The following DISP1 variants were observed in gnomAD, a reference collection of about 807,000 sequenced individuals.
The protein encoded by DISP1 is dispatched RND transporter family member 1.
DISP1 carries 30 observed loss-of-function variants against 37.3 expected under a neutral mutation model. That is an observed-to-expected ratio of 0.80 (90% CI 0.60 to 1.09). The LOEUF (loss-of-function observed/expected upper bound fraction) is 1.09. Among genes scored for constraint, DISP1 ranks in the 50% least tolerant of loss-of-function variants. DISP1 has a pLI of 0.00. For missense variants in DISP1, 1,598 were observed against 1,879.5 expected, an observed-to-expected ratio of 0.85 and a Z score of 2.77; for synonymous variants, 634 against 690.2, an observed-to-expected ratio of 0.92 and a Z score of 1.28.
chr1:222,894,967 A>T (rs529902920), intron 1 of DISP1, among the ~76,000 whole-genome samples: 1 of 152,348 alleles, frequency 6.6e-6, no homozygotes, highest in South Asian at 2.1e-4. Context: ...GATTGATTTG[A>T]CCCAAAGGCT....
intron 1 of DISP1, among the ~76,000 whole-genome samples, chr1:222,859,257 C>T (rs1410207928): frequency 1.3e-5 from 2 of 152,184 alleles, no homozygotes; most frequent in Admixed American, 1.3e-4. Context: ...CGCATGTTCT[C>T]ACTTATGAGT....
intron 3 of DISP1, among the ~76,000 whole-genome samples, chr1:222,953,747 C>G (rs936833266): frequency 6.6e-6 from 1 of 152,154 alleles, no homozygotes; most frequent in African/African-American, 2.4e-5. Context: ...AGTAAGTCAG[C>G]TTGGCAGTCA....
rs1678954371 is a variant in DISP1 at position 222,994,973 on chromosome 1, T to C, written c.978T>C (p.Asp326=). The C allele has an allele frequency of 6.2e-7, 1 of 1,611,540 alleles. No homozygotes were observed. The highest frequency in any genetic ancestry group is 1.1e-5 in the South Asian group (1 of 91,048). Reference sequence around the variant, plus strand: ...CAATTAAATCAATGTGCAATGTAGATAATTCCAGGGTATGTAAGATAAAAA... The same window carrying C: ...CAATTAAATCAATGTGCAATGTAGACAATTCCAGGGTATGTAAGATAAAAA... ...LPAIKSMCNV[D]NSRIRSHPQF... Residue 326 remains aspartate, a synonymous_variant, in exon 8 of 9, where the codon GAT becomes GAC. Coordinates refer to ENST00000675850, the MANE Select transcript of DISP1 (RefSeq NM_001377229.1).
chr1:222,819,097 A>C (rs370964372), intron 1 of DISP1, among the ~76,000 whole-genome samples: 3 of 152,276 alleles, frequency 2.0e-5, no homozygotes, highest in South Asian at 4.1e-4. Flanking sequence ...GTGTTGTCTC[A>C]TGATAGAGTT....
chr1:222,996,977 G>C (rs1019231620), intron 8 of DISP1, among the ~76,000 whole-genome samples: 6 of 151,510 alleles, frequency 4.0e-5, no homozygotes, highest in African/African-American at 1.5e-4. Context: ...GCAATAGTAC[G>C]CCATGGTGGC....
intron 1 of DISP1, among the ~76,000 whole-genome samples, chr1:222,843,562 A>AT (rs1354584484): frequency 7.1e-6 from 1 of 140,094 alleles, no homozygotes; most frequent in Non-Finnish European, 1.6e-5. Context: ...CTAATGAAGG[A>AT]TGGGGGGGGG....
At chr1:222,939,689 G>T (rs1027322941) in intron 2 of DISP1, among the ~76,000 whole-genome samples, 27 of 152,032 alleles carry the variant, frequency 1.8e-4, no homozygotes, top group Non-Finnish European at 3.8e-4. Flanking sequence ...AATTAGCTGG[G>T]TGTGGTGGCA....
chr1:222,943,232 A>G lies in DISP1; in HGVS notation c.409A>G (p.Thr137Ala), dbSNP rs747621587. The G allele has an allele frequency of 6.2e-7, 1 of 1,612,872 alleles. No homozygotes were observed. Residue 137 changes from threonine (T) to alanine (A), a missense_variant, in exon 3 of 9, where the codon ACT (threonine) becomes GCT (alanine). Thr to Ala is a moderately conservative substitution (Grantham distance 58). Transcript: ENST00000675850. Reference sequence around the variant, plus strand: ...TCCAAATCATTCACCTGTGTATCAGACTACGTGCTGTCTTCAGCCCTCTCC... The same window carrying G: ...TCCAAATCATTCACCTGTGTATCAGGCTACGTGCTGTCTTCAGCCCTCTCC... The part of the protein sequence containing the change: ...LCPNHSPVYQ[T>A]TCCLQPSPSF...
chr1:222,936,650 T>TA (rs1211742352), intron 2 of DISP1, among the ~76,000 whole-genome samples: 36 of 112,156 alleles, frequency 3.2e-4, no homozygotes, highest in South Asian at 1.3e-3. Context: ...GAGATATATA[T>TA]ATCTCTCATA....
At chr1:222,820,802 C>G (rs912735534) in intron 1 of DISP1, among the ~76,000 whole-genome samples, 2 of 152,108 alleles carry the variant, frequency 1.3e-5, no homozygotes, top group African/African-American at 2.4e-5. Context: ...TAGCATAATG[C>G]CTGCCACATA....
At chr1:222,972,445 T>C (rs977934544) in intron 3 of DISP1, among the ~76,000 whole-genome samples, 59 of 152,138 alleles carry the variant, frequency 3.9e-4, no homozygotes, top group Non-Finnish European at 5.9e-5. Context: ...TTTTATCCTA[T>C]CAGTTGTTAC....
At chr1:222,998,319 T>C (rs1335700824) in intron 8 of DISP1, among the ~76,000 whole-genome samples, 3 of 151,000 alleles carry the variant, frequency 2.0e-5, no homozygotes, top group African/African-American at 4.9e-5. Flanking sequence ...AACCAAGCAA[T>C]AGCAAGCAGA....
chr1:222,993,890 A>G (rs1678874499), intron 7 of DISP1, among the ~76,000 whole-genome samples: 1 of 152,180 alleles, frequency 6.6e-6, no homozygotes, highest in Non-Finnish European at 1.5e-5. Flanking sequence ...TTGCTCTCCA[A>G]AATCAGTCAA....
At chr1:222,877,197 A>G (rs1006085715) in intron 1 of DISP1, among the ~76,000 whole-genome samples, 2 of 152,210 alleles carry the variant, frequency 1.3e-5, no homozygotes, top group African/African-American at 4.8e-5. Context: ...AGCTTATCCA[A>G]AATGCCTTTG....
At chr1:222,865,232 T>C (rs193005262) in intron 1 of DISP1, among the ~76,000 whole-genome samples, 1 of 152,256 alleles carries the variant, frequency 6.6e-6, no homozygotes, top group East Asian at 1.9e-4. Flanking sequence ...TTATAACTTA[T>C]GGTATAGAAT....
intron 3 of DISP1, among the ~76,000 whole-genome samples, chr1:222,967,036 GATT>G (rs1368270807): frequency 6.6e-6 from 1 of 152,074 alleles, no homozygotes; most frequent in African/African-American, 2.4e-5. Flanking sequence ...TCTTACTAGA[GATT>G]ATTAATAAAC....
intron 3 of DISP1, among the ~76,000 whole-genome samples, chr1:222,965,870 TA>T (rs1211949808): frequency 2.6e-5 from 4 of 151,480 alleles, no homozygotes; most frequent in Non-Finnish European, 4.4e-5. Context: ...CCTCGTCTCT[TA>T]AAAAAAAATT....
chr1:222,899,358 T>C (rs1270594565), intron 1 of DISP1, among the ~76,000 whole-genome samples: 1 of 152,216 alleles, frequency 6.6e-6, no homozygotes, highest in African/African-American at 2.4e-5. Flanking sequence ...ACATGTCTTC[T>C]TAGTTGATGA....
intron 1 of DISP1, among the ~76,000 whole-genome samples, chr1:222,864,363 CTTGG>C (rs1198872809): frequency 6.6e-6 from 1 of 152,110 alleles, no homozygotes; most frequent in Non-Finnish European, 1.5e-5. Flanking sequence ...GTGACCAATG[CTTGG>C]CATTAGGTAT....
Sources: gnomAD v4.1 joint callset for allele counts (sites outside exome capture counted in the v4.1 genomes callset) on GRCh38, gnomAD v4.1.1 for gene constraint, MANE v1.5 for transcripts, NCBI Gene and HGNC (gene_info 2026-07-23, HGNC 2026-07-21) for gene names.